GRIP2: variants seen among roughly 807,000 people sequenced by gnomAD.
GRIP2 encodes glutamate receptor-interacting protein 2.
A neutral mutation model predicts 108.3 loss-of-function variants in GRIP2; 58 were observed. The ratio of observed to expected loss-of-function variants is 0.54; its 90% CI spans 0.43 to 0.67. GRIP2 has a LOEUF of 0.67. Ranked by LOEUF, GRIP2 falls within the 30% of genes least tolerant of loss-of-function variation. The pLI, the probability that GRIP2 is intolerant of heterozygous loss-of-function variation, is 0.00. For synonymous variants in GRIP2, 586 were observed against 598.2 expected, an observed-to-expected ratio of 0.98 and a Z score of 0.30; for missense variants, 1,278 against 1,430.6, an observed-to-expected ratio of 0.89 and a Z score of 1.72.
At chr3:14,593,289 CA>C in the GRIP2 span, among the ~76,000 whole-genome samples, 3 of 152,294 alleles carry the variant, frequency 2.0e-5, no homozygotes, top group South Asian at 4.1e-4. Flanking sequence ...ATATTTGCTC[CA>C]AAAGCCACTC....
At chr3:14,564,335 C>A in the GRIP2 span, among the ~76,000 whole-genome samples, 12 of 152,352 alleles carry the variant, frequency 7.9e-5, no homozygotes, top group African/African-American at 2.6e-4. Flanking sequence ...CACTACGGTC[C>A]TCGTGTGCCA....
chr3:14,532,547 G>T (rs1694735738), intron 1 of GRIP2, among the ~76,000 whole-genome samples: 1 of 152,188 alleles, frequency 6.6e-6, no homozygotes, highest in African/African-American at 2.4e-5. Context: ...CAACAAAAAT[G>T]ACTCCAAACA....
chr3:14,525,741 GT>G, intron 2 of GRIP2, 109 bp downstream of exon 2: 1 of 1,323,494 alleles, frequency 7.6e-7, no homozygotes, highest in Non-Finnish European at 1.1e-6. Context: ...TAAGTGGCTG[GT>G]CTAAGGTCAC....
In GRIP2 at chr3:14,491,092, G is replaced by A. The variant is rs1701325416; in HGVS notation, c.*2573C>T. The A allele has an allele frequency of 6.6e-6, 1 of 152,216 alleles. No homozygotes were observed. The highest frequency in any genetic ancestry group is 2.4e-5 in the African/African-American group (1 of 41,456). The allele number at this position is 152,216 out of a possible 1,614,324, so 9.4% of individuals were successfully genotyped here. A position where few individuals can be genotyped will look rare whatever the true frequency, so the allele number is the denominator to read the frequency against. ...AATTAATGAATCATCAAAAGCAGGT[G>A]AGATGTCACCAGACCCATACAGAAG... is the stretch of plus-strand genomic sequence containing the variant. On this transcript the variant is annotated 3_prime_UTR_variant, in exon 24 of 24. Coordinates refer to ENST00000621039, the MANE Select transcript of GRIP2 (RefSeq NM_001080423.4).
intron 21 of GRIP2, among the ~76,000 whole-genome samples, chr3:14,502,475 C>CA (rs1291618611): frequency 6.8e-6 from 1 of 147,178 alleles, no homozygotes; most frequent in African/African-American, 2.6e-5. Flanking sequence ...GCCTGGGTGA[C>CA]AGAGTGAGAC....
In GRIP2 at chr3:14,507,816, T is replaced by A; in HGVS notation, c.2079-116A>T. On this transcript the variant is annotated intron_variant, in intron 17 of 23. Coordinates refer to ENST00000621039, the MANE Select transcript of GRIP2 (RefSeq NM_001080423.4). The surrounding 1 kb of genome is among the most constrained non-coding windows in gnomAD (Gnocchi z 4.6). ...AAGCAGAAGTCTGGCTGACCCCAGT[T>A]AAACCCAGCTGCCAAAAACAAAACA... is the stretch of plus-strand genomic sequence containing the variant. 8.4e-7 allele frequency: 1 copy of A among 1,187,200 alleles called. No homozygotes were observed. Among genetic ancestry groups the A allele is most frequent in the Non-Finnish European group, 1.2e-6 (1 of 837,664 alleles). The allele number at this position is 1,187,200 out of a possible 1,614,324, so 73.5% of individuals were successfully genotyped here. A position where few individuals can be genotyped will look rare whatever the true frequency, so the allele number is the denominator to read the frequency against.
In GRIP2 at chr3:14,493,699, CG is replaced by C. The variant is rs747473953; in HGVS notation, c.3097del (p.Arg1033AspfsTer33). On this transcript the variant is annotated frameshift_variant, in exon 24 of 24. Coordinates refer to ENST00000621039, the MANE Select transcript of GRIP2 (RefSeq NM_001080423.4). LOFTEE classifies it high-confidence loss of function. ...PHTAHSSRAPRSPGPSSPRML is the reference protein window; with the variant it reads ...PHTAHSSRAPXSPGPSSPRML The stretch of plus-strand genomic sequence containing the variant: ...CCGGGGACTGCTGGGGCCTGGCGAT[CG>C]GGGGGCCCGGCTGCTGTGTGCCGTG... The C allele has an allele frequency of 1.0e-5, 16 of 1,607,962 alleles. No homozygotes were observed. Among genetic ancestry groups the C allele is most frequent in the Middle Eastern group, 1.7e-4 (1 of 5,742 alleles).
At chr3:14,568,977 G>C in the GRIP2 span, among the ~76,000 whole-genome samples, 8 of 152,304 alleles carry the variant, frequency 5.3e-5, no homozygotes, top group East Asian at 1.5e-3. Flanking sequence ...GGGCTGTTGT[G>C]GGGGTAATGC....
chr3:14,563,609 C>T, the GRIP2 span, among the ~76,000 whole-genome samples: 2 of 152,142 alleles, frequency 1.3e-5, no homozygotes, highest in South Asian at 2.1e-4. Flanking sequence ...TTAACACCAT[C>T]CCTCTGGCTG....
In GRIP2 at chr3:14,511,098, G is replaced by A; in HGVS notation, c.1933+67C>T. On this transcript the variant is annotated intron_variant, in intron 16 of 23. Coordinates refer to ENST00000621039, the MANE Select transcript of GRIP2 (RefSeq NM_001080423.4). The surrounding 1 kb of genome is among the most constrained non-coding windows in gnomAD (Gnocchi z 4.1). The stretch of plus-strand genomic sequence containing the variant: ...CCTCGGCTGGAGGGAGCCCTGAATT[G>A]CAAGCTGGGAACCCGCTAGTCAAAG... 2.5e-6 allele frequency: 4 copies of A among 1,572,364 alleles called. No homozygotes were observed. Among genetic ancestry groups the A allele is most frequent in the Non-Finnish European group, 3.5e-6 (4 of 1,155,598 alleles).
At chr3:14,495,051 T>C in intron 22 of GRIP2, 62 bp from the exon 23 acceptor site, 1 of 1,587,228 alleles carries the variant, frequency 6.3e-7, no homozygotes, top group Non-Finnish European at 8.6e-7. Context: ...CCTCTCACAG[T>C]AGCCCAGGTC....
intron 17 of GRIP2, among the ~76,000 whole-genome samples, chr3:14,508,589 G>A (rs1559335886): frequency 6.6e-6 from 1 of 152,166 alleles, no homozygotes; most frequent in Non-Finnish European, 1.5e-5. Context: ...GATGAGGATA[G>A]TGAGCGAGTC....
Position 14,540,254 on chromosome 3 carries a change from C to A in GRIP2, c.40+15G>T, listed in dbSNP as rs1209781044. 3 of 1,612,934 alleles carry A rather than the reference C, an allele frequency of 1.9e-6. No individual in the cohort carries two copies. The highest frequency in any genetic ancestry group is 2.5e-6 in the Non-Finnish European group (3 of 1,179,266). ...TCAGCCCCATCACTCTGCCCACAGACCCCCCATTACGTACCCGCCTCTCCA... is the reference window on the plus strand; with the variant it reads ...TCAGCCCCATCACTCTGCCCACAGAACCCCCATTACGTACCCGCCTCTCCA... On this transcript the variant is annotated intron_variant, in intron 1 of 23. Transcript: ENST00000621039. The surrounding 1 kb of genome is among the most constrained non-coding windows in gnomAD (Gnocchi z 4.1).
At chr3:14,509,413 C>T (rs1170701097) in intron 17 of GRIP2, among the ~76,000 whole-genome samples, 1 of 152,244 alleles carries the variant, frequency 6.6e-6, no homozygotes, top group Non-Finnish European at 1.5e-5. Context: ...CTAGGGGCAG[C>T]AGGGACAGTC....
the GRIP2 span, among the ~76,000 whole-genome samples, chr3:14,601,709 A>G: frequency 6.6e-6 from 1 of 152,158 alleles, no homozygotes; most frequent in African/African-American, 2.4e-5. Flanking sequence ...TGGCCCTGGG[A>G]CAGGACAGGA....
upstream of GRIP2, among the ~76,000 whole-genome samples, chr3:14,544,416 A>G (rs1695026785): frequency 6.6e-6 from 1 of 152,102 alleles, no homozygotes; most frequent in Non-Finnish European, 1.5e-5. Flanking sequence ...TGCTGCGCAG[A>G]TGGGAAAACT....
the GRIP2 span, among the ~76,000 whole-genome samples, chr3:14,562,498 A>G: frequency 6.6e-6 from 1 of 152,164 alleles, no homozygotes; most frequent in Non-Finnish European, 1.5e-5. Context: ...ATACCACATC[A>G]TTTTTCTATG....
the GRIP2 span, among the ~76,000 whole-genome samples, chr3:14,562,888 C>A: frequency 6.6e-6 from 1 of 152,164 alleles, no homozygotes; most frequent in Non-Finnish European, 1.5e-5. Flanking sequence ...GAATCAAATC[C>A]AGCTTTAGCC....
Position 14,524,544 on chromosome 3 carries a change from G to C in GRIP2, c.258-6C>G. The C allele has an allele frequency of 6.4e-7, 1 of 1,551,716 alleles. No homozygotes were observed. Among genetic ancestry groups the C allele is most frequent in the East Asian group, 2.4e-5 (1 of 40,932 alleles). The stretch of plus-strand genomic sequence containing the variant: ...CAATGTTCAGCAGATCACTCCTAGA[G>C]CAGGAAGGCCAGGGCACACATGGTA... On this transcript the variant is annotated splice_region_variant and splice_polypyrimidine_tract_variant and intron_variant, in intron 3 of 23. Transcript: ENST00000621039.
Sources: gnomAD v4.1 joint callset for allele counts (sites outside exome capture counted in the v4.1 genomes callset) on GRCh38, gnomAD v4.1.1 for gene constraint, Gnocchi (gnomAD v3.1) non-coding constraint, MANE v1.5 for transcripts, NCBI Gene and HGNC (gene_info 2026-07-23, HGNC 2026-07-21) for gene names.